USP16: variants seen among roughly 807,000 people sequenced by gnomAD.
USP16 encodes the protein ubiquitin carboxyl-terminal hydrolase 16.
Under a neutral mutation model 95.9 loss-of-function variants are expected in USP16, and 77 were observed. That is an observed-to-expected ratio of 0.80 (90% CI 0.67 to 0.97). USP16 has a LOEUF of 0.97. USP16 is among the 50% of genes least tolerant of loss of function. USP16 has a pLI of 0.00. For synonymous variants in USP16, 303 were observed against 318.2 expected, an observed-to-expected ratio of 0.95 and a Z score of 0.51; for missense variants, 943 against 959.9, an observed-to-expected ratio of 0.98 and a Z score of 0.23.
intron 5 of USP16, 94 bp downstream of exon 5, chr21:29,036,468 T>A (rs1319401250): frequency 1.7e-6 from 2 of 1,165,650 alleles, no homozygotes; most frequent in Non-Finnish European, 2.5e-6. Context: ...TACATACAGC[T>A]GAGTAACATT....
chr21:29,032,381 G>A (rs1036007956), intron 3 of USP16, among the ~76,000 whole-genome samples: 2 of 152,014 alleles, frequency 1.3e-5, no homozygotes, highest in African/African-American at 4.8e-5. Flanking sequence ...ACACCTGCAT[G>A]CCACCACTCC....
chr21:29,032,324 C>T (rs1006866756), intron 3 of USP16, among the ~76,000 whole-genome samples: 5 of 152,220 alleles, frequency 3.3e-5, no homozygotes, highest in South Asian at 2.1e-4. Flanking sequence ...CTTCACCTCC[C>T]AGGCTCAAGT....
At chr21:29,042,398 C>A in intron 11 of USP16, 74 bp from the exon 12 acceptor site, 2 of 1,402,016 alleles carry the variant, frequency 1.4e-6, no homozygotes, top group Admixed American at 2.2e-5. Flanking sequence ...CCCCATCCCA[C>A]AGGGCAGGGA....
At chr21:29,027,096 T>G (rs925726659) in intron 1 of USP16, among the ~76,000 whole-genome samples, 2 of 152,222 alleles carry the variant, frequency 1.3e-5, no homozygotes, top group African/African-American at 4.8e-5. Context: ...TTTTATGTAT[T>G]TATTTCTAAA....
chr21:29,036,196 T>G (rs886728918), intron 4 of USP16, 75 bp from the exon 5 acceptor site: 1 of 1,272,862 alleles, frequency 7.9e-7, no homozygotes, highest in African/African-American at 1.5e-5. Flanking sequence ...ACACTTTGAT[T>G]CCAGGAATTA....
chr21:29,032,594 T>A (rs1406273533), intron 3 of USP16, among the ~76,000 whole-genome samples: 3 of 152,166 alleles, frequency 2.0e-5, no homozygotes, highest in Non-Finnish European at 4.4e-5. Flanking sequence ...TGTATCAAGT[T>A]TGCTCTTTTT....
rs2085334337 is a variant in USP16, at chr21:29,046,960, ATCT to A, written c.1654_1656del (p.Ser552del). 1 of 1,614,170 alleles carries A rather than the reference ATCT, an allele frequency of 6.2e-7. No homozygotes were observed. Among genetic ancestry groups the A allele is most frequent in the Non-Finnish European group, 8.5e-7 (1 of 1,180,022 alleles). On this transcript the variant is annotated inframe_deletion, in exon 14 of 18. Transcript: ENST00000399976. ...TGGATAATGATCTGGAGGTTTTAAC[ATCT>A]TCTCCCACTAGGAATTTAAATGGTG...
At chr21:29,030,235 A>T in intron 2 of USP16, among the ~76,000 whole-genome samples, 1 of 152,084 alleles carries the variant, frequency 6.6e-6, no homozygotes, top group East Asian at 1.9e-4. Context: ...TAGGTGTATT[A>T]TTGACTAAAT....
intron 1 of USP16, chr21:29,025,866 C>A: frequency 3.0e-6 from 1 of 335,180 alleles, no homozygotes; most frequent in Non-Finnish European, 4.2e-6. Flanking sequence ...AGTTCCAAAA[C>A]TGTGCTTGAA....
At chr21:29,046,285 C>T (rs1440393653) in intron 13 of USP16, among the ~76,000 whole-genome samples, 1 of 152,106 alleles carries the variant, frequency 6.6e-6, no homozygotes, top group African/African-American at 2.4e-5. Flanking sequence ...TACAGGTGGA[C>T]ACCAACGTGC....
intron 3 of USP16, among the ~76,000 whole-genome samples, chr21:29,032,687 T>G (rs1367868451): frequency 6.6e-6 from 1 of 152,218 alleles, no homozygotes; most frequent in Non-Finnish European, 1.5e-5. Flanking sequence ...TCTGGGCTGA[T>G]CCCATTTTTT....
At position 29,037,482 on chromosome 21, in the gene USP16, C is replaced by T; in HGVS notation, c.636+19C>T. 1 of 1,510,424 alleles carries T rather than the reference C, an allele frequency of 6.6e-7. No homozygotes were observed. Among genetic ancestry groups the T allele is most frequent in the South Asian group, 1.4e-5 (1 of 72,590 alleles). The allele number at this position is 1,510,424 out of a possible 1,614,324, so 93.6% of individuals were successfully genotyped here. On this transcript the variant is annotated intron_variant, in intron 6 of 17. Coordinates refer to ENST00000399976, the MANE Select transcript of USP16 (RefSeq NM_006447.3). ...TATGCAGGTACATTGTCATTTTTTT[C>T]CCTTTAAAAAAGCTGTCCTTTTCCT...
rs147762800 is a variant in USP16, at chr21:29,046,669, C to T, written c.1359C>T (p.Asn453=). ...AKKQAKKQAK[N]QRRQQKIQGK... is the part of the protein sequence containing the mutation. ...GATGCCGTATACTTTTTACCCAGAA[C>T]CAACGAAGACAACAAAAAATTCAAG... Residue 453 remains asparagine (N), a splice_region_variant and synonymous_variant, in exon 14 of 18, where the codon AAC becomes AAT. Coordinates refer to ENST00000399976, the MANE Select transcript of USP16 (RefSeq NM_006447.3). The T allele has an allele frequency of 8.1e-6, 13 of 1,598,912 alleles. No homozygotes were observed. In the East Asian group the frequency reaches 2.9e-4, roughly 36 times the overall value.
At chr21:29,042,570 C>A in intron 12 of USP16, 42 bp downstream of exon 12, 1 of 1,545,306 alleles carries the variant, frequency 6.5e-7, no homozygotes, top group Non-Finnish European at 8.8e-7. Context: ...GATTTTTTTT[C>A]CTGTAAGATT....
At chr21:29,041,924 G>T in intron 10 of USP16, 89 bp from the exon 11 acceptor site, 1 of 1,050,690 alleles carries the variant, frequency 9.5e-7, no homozygotes, top group South Asian at 1.5e-5. Context: ...TAAAATTTTA[G>T]AGTTAGATAG....
chr21:29,039,423 A>C (rs1174324688), intron 8 of USP16, 58 bp from the exon 9 acceptor site: 4 of 1,546,716 alleles, frequency 2.6e-6, no homozygotes, highest in Non-Finnish European at 2.6e-6. Flanking sequence ...TTTTCTAAAA[A>C]TAGCTTCAGA....
intron 10 of USP16, among the ~76,000 whole-genome samples, chr21:29,041,780 T>G (rs2085246850): frequency 6.6e-6 from 1 of 152,172 alleles, no homozygotes; most frequent in Admixed American, 6.5e-5. Context: ...TAAGGACTTT[T>G]TTGTCTTATT....
chr21:29,025,010 T>G (rs1601032875), intron 1 of USP16: 1 of 333,354 alleles, frequency 3.0e-6, no homozygotes, highest in Non-Finnish European at 5.4e-6. Flanking sequence ...GACCCAGAGG[T>G]TCCCCCGTGG....
chr21:29,025,672 C>T, intron 1 of USP16: 2 of 902,764 alleles, frequency 2.2e-6, no homozygotes, highest in Non-Finnish European at 2.7e-6. Context: ...CTGCAGACTT[C>T]TGACTTCTCA....
Sources: gnomAD v4.1 joint callset for allele counts (sites outside exome capture counted in the v4.1 genomes callset) on GRCh38, gnomAD v4.1.1 for gene constraint, MANE v1.5 for transcripts, NCBI Gene and HGNC (gene_info 2026-07-23, HGNC 2026-07-21) for gene names.